The following WDR25 variants were observed in gnomAD, a reference collection of about 807,000 sequenced individuals.
The protein encoded by WDR25 is WD repeat domain 25.
WDR25 carries 35 observed loss-of-function variants against 47.7 expected under a neutral mutation model. The ratio of observed to expected loss-of-function variants is 0.73; its 90% CI spans 0.56 to 0.97. The LOEUF (loss-of-function observed/expected upper bound fraction) is 0.97, where lower values mean the gene tolerates loss of function less well. Ranked by LOEUF, WDR25 falls within the 50% of genes least tolerant of loss-of-function variation. The pLI, the probability that WDR25 is intolerant of heterozygous loss-of-function variation, is 0.00. For synonymous variants in WDR25, 248 were observed against 278.9 expected, an observed-to-expected ratio of 0.89 and a Z score of 1.10; for missense variants, 634 against 704.7, an observed-to-expected ratio of 0.90 and a Z score of 1.14.
chr14:100,418,720 TA>T (rs1897943226), intron 2 of WDR25, among the ~76,000 whole-genome samples: 1 of 151,502 alleles, frequency 6.6e-6, no homozygotes, highest in Non-Finnish European at 1.5e-5. Flanking sequence ...GGGTCTATGC[TA>T]AGGTGAGTTT....
chr14:100,391,982 A>G (rs1897156544), intron 2 of WDR25, among the ~76,000 whole-genome samples: 1 of 152,252 alleles, frequency 6.6e-6, no homozygotes, highest in Non-Finnish European at 1.5e-5. Flanking sequence ...ATTAAGCCAG[A>G]CATTAATGAG....
Position 100,523,544 on chromosome 14 carries a change from G to A in WDR25, c.1102-2326G>A, listed in dbSNP as rs1034588536. Among the ~76,000 whole-genome samples the A allele has an allele frequency of 6.6e-6, 1 of 152,120 alleles. No homozygotes were observed. The highest frequency in any genetic ancestry group is 1.5e-5 in the Non-Finnish European group (1 of 68,018). ...CAAAAACTAGACCTAGGAAGGGAAC[G>A]AACCTTCCCCAGGCACATAGTAAAT... On this transcript the variant is annotated intron_variant, in intron 4 of 6. Coordinates refer to ENST00000402312, the MANE Select transcript of WDR25 (RefSeq NM_001161476.3). This position sits in a 1 kb window ranked among gnomAD's most constrained non-coding sequence, Gnocchi z 4.7.
Position 100,500,854 on chromosome 14 carries a change from CA to C in WDR25, c.1101+16732del, listed in dbSNP as rs1900898550. Among the ~76,000 whole-genome samples the C allele has an allele frequency of 6.6e-6, 1 of 152,146 alleles. No individual in the cohort carries two copies. The highest frequency in any genetic ancestry group is 2.1e-4 in the South Asian group (1 of 4,816). On this transcript the variant is annotated intron_variant, in intron 4 of 6. Transcript: ENST00000402312. The surrounding 1 kb of genome is among the most constrained non-coding windows in gnomAD (Gnocchi z 4.7). Reference sequence around the variant, plus strand: ...GCCTCCGCTATAAAGTAAGGGAAACCAATTTTTCACTTGAGAGGATCAACAC... The same window carrying C: ...GCCTCCGCTATAAAGTAAGGGAAACCATTTTTCACTTGAGAGGATCAACAC...
chr14:100,383,790 G>C (rs946421898), intron 2 of WDR25, among the ~76,000 whole-genome samples: 5 of 152,228 alleles, frequency 3.3e-5, no homozygotes, highest in Non-Finnish European at 5.9e-5. Context: ...CTGGGGACGT[G>C]GGGGGAGAGA....
intron 2 of WDR25, among the ~76,000 whole-genome samples, chr14:100,441,759 A>T (rs1255358132): frequency 2.0e-5 from 3 of 152,166 alleles, no homozygotes; most frequent in Non-Finnish European, 2.9e-5. Context: ...AGTAGGAGGA[A>T]AGCCCCTGAT....
At chr14:100,519,932 T>C (rs1315012393) in intron 4 of WDR25, among the ~76,000 whole-genome samples, 1 of 144,054 alleles carries the variant, frequency 6.9e-6, no homozygotes, top group Non-Finnish European at 1.5e-5. Flanking sequence ...ATACTATATA[T>C]ACACTATAGT....
intron 2 of WDR25, among the ~76,000 whole-genome samples, chr14:100,460,141 C>A (rs1414949661): frequency 1.4e-5 from 2 of 143,158 alleles, no homozygotes; most frequent in African/African-American, 5.2e-5. Flanking sequence ...GAGACGGAGT[C>A]TCGCTCTGTC....
intron 3 of WDR25, among the ~76,000 whole-genome samples, chr14:100,473,757 C>T (rs1899924849): frequency 6.6e-6 from 1 of 152,200 alleles, no homozygotes; most frequent in Non-Finnish European, 1.5e-5. Flanking sequence ...CCTTGTTGTG[C>T]TAAGCCTTTG....
chr14:100,436,647 C>T (rs138924746), intron 2 of WDR25, among the ~76,000 whole-genome samples: 6 of 152,230 alleles, frequency 3.9e-5, no homozygotes, highest in Non-Finnish European at 5.9e-5. Context: ...TCTCTTGGGT[C>T]GTGGAGGACT....
At chr14:100,518,011 A>T (rs1260729237) in intron 4 of WDR25, among the ~76,000 whole-genome samples, 1 of 152,206 alleles carries the variant, frequency 6.6e-6, no homozygotes, top group South Asian at 2.1e-4. Flanking sequence ...TACGTATTTC[A>T]TATAACTTAA....
At chr14:100,410,052 C>T (rs956297048) in intron 2 of WDR25, among the ~76,000 whole-genome samples, 4 of 152,158 alleles carry the variant, frequency 2.6e-5, no homozygotes, top group African/African-American at 9.7e-5. Context: ...TTTACCATTT[C>T]AGAAAATAAG....
rs1285555562 is a variant in WDR25 at position 100,424,864 on chromosome 14, G to A, written c.822+43118G>A. On this transcript the variant is annotated intron_variant, in intron 2 of 6. Transcript: ENST00000402312. This position sits in a 1 kb window ranked among gnomAD's most constrained non-coding sequence, Gnocchi z 4.2. ...CAAGGAAACTCAGGCTCAACAAGGT[G>A]ATGCCTTTCCCAGGACATGTGCTCC... Among the ~76,000 whole-genome samples the A allele has an allele frequency of 6.6e-6, 1 of 152,182 alleles. No individual in the cohort carries two copies. The highest frequency in any genetic ancestry group is 1.5e-5 in the Non-Finnish European group (1 of 68,036).
At chr14:100,518,308 G>C (rs1901575948) in intron 4 of WDR25, among the ~76,000 whole-genome samples, 2 of 151,732 alleles carry the variant, frequency 1.3e-5, no homozygotes, top group Admixed American at 1.3e-4. Context: ...GCTGTTTTCT[G>C]GTCTCCATAG....
intron 2 of WDR25, among the ~76,000 whole-genome samples, chr14:100,466,710 G>A (rs1229409021): frequency 3.3e-5 from 5 of 152,202 alleles, no homozygotes; most frequent in Non-Finnish European, 7.3e-5. Context: ...GAGGCACTCC[G>A]TTCTGACTCC....
rs1198562705 is a variant in WDR25 at position 100,523,906 on chromosome 14, A to G, written c.1102-1964A>G. On this transcript the variant is annotated intron_variant, in intron 4 of 6. Coordinates refer to ENST00000402312, the MANE Select transcript of WDR25 (RefSeq NM_001161476.3). This position sits in a 1 kb window ranked among gnomAD's most constrained non-coding sequence, Gnocchi z 4.7. ...TGTAATTAAGGTTGCCATAAAACCCACCAGCTAGACACACAAATGGCTCCT... is the reference window on the plus strand; with the variant it reads ...TGTAATTAAGGTTGCCATAAAACCCGCCAGCTAGACACACAAATGGCTCCT... Among the ~76,000 whole-genome samples, 3 of 152,110 alleles carry G rather than the reference A, an allele frequency of 2.0e-5. No homozygotes were observed. The highest frequency in any genetic ancestry group is 3.9e-4 in the East Asian group (2 of 5,194).
Position 100,390,671 on chromosome 14 carries a change from G to A in WDR25, c.822+8925G>A, listed in dbSNP as rs78026186. 8.5e-5 allele frequency among the ~76,000 whole-genome samples: 13 copies of A among 152,278 alleles called. No individual in the cohort carries two copies. The East Asian group carries it at 2.1e-3, about 25-fold the overall frequency. Reference sequence around the variant, plus strand: ...GGTCTCTGTGTTTAGTGTGCAGACTGCACTCTCCATCCTGTCCTCCAGCTT... The same window carrying A: ...GGTCTCTGTGTTTAGTGTGCAGACTACACTCTCCATCCTGTCCTCCAGCTT... On this transcript the variant is annotated intron_variant, in intron 2 of 6. Coordinates refer to ENST00000402312, the MANE Select transcript of WDR25 (RefSeq NM_001161476.3).
chr14:100,412,407 G>T (rs1049736818), intron 2 of WDR25, among the ~76,000 whole-genome samples: 21 of 152,114 alleles, frequency 1.4e-4, no homozygotes, highest in African/African-American at 4.8e-4. Context: ...CTAGAAACGT[G>T]TCTTTAGGAG....
At chr14:100,448,213 G>C (rs79244136) in intron 2 of WDR25, among the ~76,000 whole-genome samples, 1 of 112,252 alleles carries the variant, frequency 8.9e-6, no homozygotes. Flanking sequence ...AAAAAAAAAA[G>C]AAGATTTTAG....
chr14:100,418,957 C>T lies in WDR25; in HGVS notation c.822+37211C>T, dbSNP rs1028630681. Among the ~76,000 whole-genome samples the T allele has an allele frequency of 1.7e-4, 26 of 151,976 alleles. No individual in the cohort carries two copies. In the East Asian group the frequency reaches 4.9e-3, roughly 28 times the overall value. On this transcript the variant is annotated intron_variant, in intron 2 of 6. Coordinates refer to ENST00000402312, the MANE Select transcript of WDR25 (RefSeq NM_001161476.3). ...TTTCTAGGCCGGGCGTGGTGGCTCA[C>T]GCCTGTAATCCTAGCACTTTGGGAG...
Sources: gnomAD v4.1 joint callset for allele counts (sites outside exome capture counted in the v4.1 genomes callset) on GRCh38, gnomAD v4.1.1 for gene constraint, Gnocchi (gnomAD v3.1) non-coding constraint, MANE v1.5 for transcripts, NCBI Gene and HGNC (gene_info 2026-07-23, HGNC 2026-07-21) for gene names.